Variants in CCDC88C observed in about 807,000 individuals in gnomAD.
The protein encoded by CCDC88C is coiled-coil and HOOK domain protein 88C, also known as protein Daple.
In CCDC88C, 131 loss-of-function variants were observed where a neutral mutation model predicts 198.8. The ratio of observed to expected loss-of-function variants is 0.66; its 90% confidence interval spans 0.57 to 0.76. CCDC88C has a LOEUF of 0.76. Among genes scored for constraint, CCDC88C ranks in the 30% least tolerant of loss-of-function variants. CCDC88C has a pLI of 0.00. For missense variants in CCDC88C, 2,553 were observed against 2,631.6 expected, an observed-to-expected ratio of 0.97 and a Z score of 0.65; for synonymous variants, 1,166 against 1,114.7, an observed-to-expected ratio of 1.05 and a Z score of -0.92.
intron 25 of CCDC88C, among the ~76,000 whole-genome samples, chr14:91,287,400 G>C (rs186406324): frequency 6.6e-6 from 1 of 152,132 alleles, no homozygotes; most frequent in Non-Finnish European, 1.5e-5. Context: ...ACCCAGGCTG[G>C]AGTACAGTGG....
At chr14:91,317,598 G>GC (rs1054932322) in intron 13 of CCDC88C, among the ~76,000 whole-genome samples, 8 of 152,220 alleles carry the variant, frequency 5.3e-5, no homozygotes, top group African/African-American at 1.9e-4. Context: ...GAACCACCCT[G>GC]CAGGGTCGGG....
rs113746303 is a variant in CCDC88C at position 91,274,429 on chromosome 14, A to G, written c.5059-776T>C. On this transcript the variant is annotated intron_variant, in intron 29 of 29. Transcript: ENST00000389857. ...CACAGAGGCAAGGGTCTATGGCCCC[A>G]CTCAGGAACTGCAGCCTTCTGCAAG... is the stretch of plus-strand genomic sequence containing the variant. Among the ~76,000 whole-genome samples, 356 of 152,322 alleles carry G rather than the reference A, an allele frequency of 2.3e-3. 2 individuals carry two copies. Among genetic ancestry groups the G allele is most frequent in the African/African-American group, 8.3e-3 (346 of 41,572 alleles).
intron 3 of CCDC88C, among the ~76,000 whole-genome samples, chr14:91,399,852 AAAAAG>A (rs1235653341): frequency 2.7e-5 from 4 of 148,764 alleles, no homozygotes; most frequent in African/African-American, 7.4e-5. Flanking sequence ...AAAAAAAAAA[AAAAAG>A]AAGAAGAAGA....
intron 4 of CCDC88C, among the ~76,000 whole-genome samples, chr14:91,347,785 A>G (rs1337474208): frequency 6.6e-6 from 1 of 152,218 alleles, no homozygotes; most frequent in African/African-American, 2.4e-5. Flanking sequence ...GCGATTCCTC[A>G]GGGATCTAGA....
rs1022566861 is a variant in CCDC88C at position 91,381,235 on chromosome 14, G to A, written c.271-21524C>T. ...TCTCCTGTCCCCCAGCTTGTCCTCT[G>A]AAGGAGACTGTGACCCACCAGACCC... is the stretch of plus-strand genomic sequence containing the variant. On this transcript the variant is annotated intron_variant, in intron 3 of 29. Coordinates refer to ENST00000389857, the MANE Select transcript of CCDC88C (RefSeq NM_001080414.4). This position sits in a 1 kb window ranked among gnomAD's most constrained non-coding sequence, Gnocchi z 4.2. Among the ~76,000 whole-genome samples, 1 of 152,110 alleles carries A rather than the reference G, an allele frequency of 6.6e-6. No individual in the cohort carries two copies. Among genetic ancestry groups the A allele is most frequent in the African/African-American group, 2.4e-5 (1 of 41,424 alleles).
At chr14:91,293,677 A>T (rs1211168544) in intron 23 of CCDC88C, among the ~76,000 whole-genome samples, 1 of 150,402 alleles carries the variant, frequency 6.6e-6, no homozygotes, top group Non-Finnish European at 1.5e-5. Context: ...TCCATGCTTC[A>T]TGTAACCCTT....
At chr14:91,400,220 G>A (rs10132624) in intron 3 of CCDC88C, among the ~76,000 whole-genome samples, 4,223 of 152,258 alleles carry the variant, frequency 0.028, 207 homozygotes, top group African/African-American at 0.096. Context: ...AGGAAGAGCC[G>A]GTAACCTGTC....
At position 91,347,839 on chromosome 14, in the gene CCDC88C, T is replaced by C. The variant is rs192302194; in HGVS notation, c.341-4182A>G. ...CCCAGCCATCCCATTACTGGGTATA[T>C]ACCCAAAGGATTATAAATCATGCTG... On this transcript the variant is annotated intron_variant, in intron 4 of 29. Coordinates refer to ENST00000389857, the MANE Select transcript of CCDC88C (RefSeq NM_001080414.4). Among the ~76,000 whole-genome samples the C allele has an allele frequency of 1.1e-3, 168 of 152,326 alleles. 1 individual carries two copies. The highest frequency in any genetic ancestry group is 3.8e-3 in the African/African-American group (158 of 41,578).
intron 2 of CCDC88C, among the ~76,000 whole-genome samples, chr14:91,414,881 C>T (rs1327667731): frequency 2.6e-5 from 4 of 152,196 alleles, no homozygotes; most frequent in East Asian, 1.9e-4. Context: ...CACACCACCC[C>T]GGCCGAATTT....
chr14:91,415,644 C>T (rs536015581), intron 2 of CCDC88C, among the ~76,000 whole-genome samples: 617 of 151,660 alleles, frequency 4.1e-3, no homozygotes, highest in Non-Finnish European at 6.6e-3. Flanking sequence ...CGCTTGAACC[C>T]GGGAGGCGGA....
intron 3 of CCDC88C, among the ~76,000 whole-genome samples, chr14:91,395,581 T>A (rs1373018546): frequency 2.0e-5 from 3 of 151,988 alleles, no homozygotes. Context: ...GGCCTTCGGG[T>A]AACCAAAGAA....
rs567144475 is a variant in CCDC88C at position 91,410,782 on chromosome 14, T to C, written c.162-2015A>G. On this transcript the variant is annotated intron_variant, in intron 2 of 29. Coordinates refer to ENST00000389857, the MANE Select transcript of CCDC88C (RefSeq NM_001080414.4). Reference sequence around the variant, plus strand: ...TTAAAATAGCAGAACTCAGAGAACATGCAGCGCTTTTTCTGTTTTGTTTCT... The same window carrying C: ...TTAAAATAGCAGAACTCAGAGAACACGCAGCGCTTTTTCTGTTTTGTTTCT... Among the ~76,000 whole-genome samples, 240 of 152,352 alleles carry C rather than the reference T, an allele frequency of 1.6e-3. 1 individual carries two copies. Among genetic ancestry groups the C allele is most frequent in the African/African-American group, 5.6e-3 (233 of 41,582 alleles).
chr14:91,388,961 C>G (rs1227507380), intron 3 of CCDC88C, among the ~76,000 whole-genome samples: 1 of 152,090 alleles, frequency 6.6e-6, no homozygotes, highest in Non-Finnish European at 1.5e-5. Context: ...TTCTTCAGAC[C>G]CCATCATTCA....
intron 10 of CCDC88C, among the ~76,000 whole-genome samples, chr14:91,329,378 T>C (rs935058476): frequency 6.6e-6 from 1 of 152,200 alleles, no homozygotes; most frequent in African/African-American, 2.4e-5. Context: ...AATCTTGACA[T>C]TCCCTGATTA....
intron 20 of CCDC88C, 74 bp downstream of exon 20, chr14:91,303,627 A>G: frequency 9.1e-7 from 1 of 1,102,872 alleles, no homozygotes; most frequent in Non-Finnish European, 1.1e-6. Flanking sequence ...CCCAGGCCCC[A>G]CCTTTCCCCC....
chr14:91,380,171 C>T (rs1190370673), intron 3 of CCDC88C, among the ~76,000 whole-genome samples: 1 of 152,148 alleles, frequency 6.6e-6, no homozygotes, highest in Admixed American at 6.5e-5. Flanking sequence ...AAAAACAAAA[C>T]TCACATTACT....
intron 27 of CCDC88C, 78 bp downstream of exon 27, chr14:91,281,379 C>T: frequency 1.2e-6 from 2 of 1,607,072 alleles, no homozygotes; most frequent in Non-Finnish European, 1.7e-6. Context: ...GTACAGGACT[C>T]AGCTTAAAGG....
intron 2 of CCDC88C, among the ~76,000 whole-genome samples, chr14:91,415,056 G>A (rs745313871): frequency 6.6e-6 from 1 of 152,190 alleles, no homozygotes; most frequent in Non-Finnish European, 1.5e-5. Context: ...CTGCCTGGGT[G>A]TAGGAGCTGA....
At chr14:91,348,322 T>TAAA (rs11449969) in intron 4 of CCDC88C, among the ~76,000 whole-genome samples, 49 of 117,864 alleles carry the variant, frequency 4.2e-4, no homozygotes, top group East Asian at 9.7e-4. Flanking sequence ...CTATCTCTAT[T>TAAA]AAAAAAAAAA....
Sources: gnomAD v4.1 joint callset for allele counts (sites outside exome capture counted in the v4.1 genomes callset) on GRCh38, gnomAD v4.1.1 for gene constraint, Gnocchi (gnomAD v3.1) non-coding constraint, MANE v1.5 for transcripts, NCBI Gene and HGNC (gene_info 2026-07-23, HGNC 2026-07-21) for gene names.